The following FARS2 variants were observed in gnomAD, a reference collection of about 807,000 sequenced individuals.
FARS2 encodes the protein phenylalanyl-tRNA synthetase 2, mitochondrial.
Under a neutral mutation model 46.4 loss-of-function variants are expected in FARS2, and 40 were observed. The ratio of observed to expected loss-of-function variants is 0.86; its 90% CI spans 0.67 to 1.12. The LOEUF is 1.12. Among genes scored for constraint, FARS2 ranks in the 50% most tolerant of loss-of-function variants. The pLI is 0.00. For synonymous variants in FARS2, 234 were observed against 214.9 expected (o/e 1.09, Z -0.78); for missense variants, 513 against 567.9 (o/e 0.90, Z 0.98).
intron 2 of FARS2, among the ~76,000 whole-genome samples, chr6:5,377,233 T>C (rs1759438074): frequency 6.6e-6 from 1 of 152,212 alleles, no homozygotes; most frequent in African/African-American, 2.4e-5. Flanking sequence ...ACAAGTTCTG[T>C]TTTCCCACTC....
chr6:5,748,213 C>A (rs1761746925), intron 6 of FARS2, among the ~76,000 whole-genome samples: 1 of 152,206 alleles, frequency 6.6e-6, no homozygotes, highest in Non-Finnish European at 1.5e-5. Context: ...CTCCCCTTCA[C>A]CCTTTCCCAC....
intron 6 of FARS2, among the ~76,000 whole-genome samples, chr6:5,674,193 T>TAAAAAAAAAAAAAAAAAAA (rs71540878): frequency 2.6e-5 from 2 of 76,352 alleles, no homozygotes; most frequent in Non-Finnish European, 2.5e-5. Flanking sequence ...GCATTCTCAT[T>TAAAAAAAAAAAAAAAAAAA]AAAAAAAAAA....
At chr6:5,569,477 G>A (rs915058120) in intron 5 of FARS2, among the ~76,000 whole-genome samples, 4 of 152,190 alleles carry the variant, frequency 2.6e-5, no homozygotes, top group South Asian at 2.1e-4. Context: ...CACCCACCTC[G>A]GCTTCCCAGA....
intron 6 of FARS2, among the ~76,000 whole-genome samples, chr6:5,723,016 C>A (rs1376432265): frequency 6.6e-6 from 1 of 152,082 alleles, no homozygotes; most frequent in East Asian, 1.9e-4. Flanking sequence ...ACAGTGATTC[C>A]CTGAGAGAGG....
At chr6:5,432,814 T>C (rs1763305195) in intron 4 of FARS2, among the ~76,000 whole-genome samples, 1 of 152,092 alleles carries the variant, frequency 6.6e-6, no homozygotes, top group South Asian at 2.1e-4. Flanking sequence ...ATATGATATC[T>C]GGTCATGGGC....
At chr6:5,570,756 T>C (rs573150274) in intron 5 of FARS2, among the ~76,000 whole-genome samples, 1 of 151,754 alleles carries the variant, frequency 6.6e-6, no homozygotes, top group Admixed American at 6.6e-5. Context: ...TAATAGATGC[T>C]AGAACTGGAA....
intron 1 of FARS2, among the ~76,000 whole-genome samples, chr6:5,352,039 C>G (rs1372502456): frequency 6.6e-6 from 1 of 152,104 alleles, no homozygotes; most frequent in Non-Finnish European, 1.5e-5. Flanking sequence ...TTGTTCAGCC[C>G]GTGGCCTGTA....
At position 5,333,555 on chromosome 6, in the gene FARS2, T is replaced by C. The variant is rs538889758; in HGVS notation, c.-21-34995T>C. 1.3e-3 allele frequency among the ~76,000 whole-genome samples: 198 copies of C among 152,322 alleles called. 1 individual carries two copies. The highest frequency in any genetic ancestry group is 4.5e-3 in the African/African-American group (185 of 41,572). On this transcript the variant is annotated intron_variant, in intron 1 of 6. Coordinates refer to ENST00000274680, the MANE Select transcript of FARS2 (RefSeq NM_006567.5). ...GCAATGCTATCATATTAAGTAGATA[T>C]TTTAGATAGTATGGACATGTCTGAG...
At chr6:5,310,576 G>A (rs574365457) in intron 1 of FARS2, among the ~76,000 whole-genome samples, 5 of 152,176 alleles carry the variant, frequency 3.3e-5, no homozygotes, top group East Asian at 3.9e-4. Context: ...GTGTGTGTGC[G>A]TGTGAATTGG....
At chr6:5,265,977 A>G (rs1581644421) in intron 1 of FARS2, among the ~76,000 whole-genome samples, 1 of 152,122 alleles carries the variant, frequency 6.6e-6, no homozygotes, top group Non-Finnish European at 1.5e-5. Context: ...CAGGGCTGAG[A>G]AACATTGACC....
intron 6 of FARS2, among the ~76,000 whole-genome samples, chr6:5,692,852 A>C (rs573997798): frequency 4.6e-5 from 7 of 152,198 alleles, no homozygotes; most frequent in Non-Finnish European, 7.3e-5. Flanking sequence ...AGGCCAAATC[A>C]GGGGTGCTGT....
chr6:5,358,894 T>C (rs1314623916), intron 1 of FARS2, among the ~76,000 whole-genome samples: 1 of 152,172 alleles, frequency 6.6e-6, no homozygotes, highest in Non-Finnish European at 1.5e-5. Context: ...TCACAAGATA[T>C]GTTTCTCATG....
chr6:5,517,037 G>C (rs1416368807), intron 4 of FARS2, among the ~76,000 whole-genome samples: 1 of 152,148 alleles, frequency 6.6e-6, no homozygotes, highest in Non-Finnish European at 1.5e-5. Flanking sequence ...TTGTGCCCTG[G>C]GAGGTACTGT....
chr6:5,431,802 T>A (rs1562035809), intron 4 of FARS2: 1 of 442,546 alleles, frequency 2.3e-6, no homozygotes, highest in Non-Finnish European at 4.7e-6. Context: ...TGATGGCTTC[T>A]AAATGTAATT....
At chr6:5,595,648 G>A (rs1774156296) in intron 5 of FARS2, among the ~76,000 whole-genome samples, 2 of 152,212 alleles carry the variant, frequency 1.3e-5, no homozygotes, top group African/African-American at 4.8e-5. Flanking sequence ...AGACTGGGAT[G>A]GTCATTGCCA....
chr6:5,307,227 G>A (rs1768771089), intron 1 of FARS2, among the ~76,000 whole-genome samples: 1 of 152,134 alleles, frequency 6.6e-6, no homozygotes, highest in East Asian at 1.9e-4. Flanking sequence ...TTACTTATCA[G>A]TGGGGTGTGA....
chr6:5,612,593 A>G (rs1016701751), intron 5 of FARS2, among the ~76,000 whole-genome samples: 1 of 151,616 alleles, frequency 6.6e-6, no homozygotes, highest in Non-Finnish European at 1.5e-5. Flanking sequence ...AGTAAGCTGG[A>G]AAAAATGGAA....
intron 1 of FARS2, among the ~76,000 whole-genome samples, chr6:5,344,148 A>G (rs1307641989): frequency 1.3e-5 from 2 of 152,190 alleles, no homozygotes; most frequent in Non-Finnish European, 2.9e-5. Flanking sequence ...GGTCCAGTTT[A>G]TCTAAGTCAG....
chr6:5,466,038 C>T (rs930184513), intron 4 of FARS2, among the ~76,000 whole-genome samples: 1 of 152,056 alleles, frequency 6.6e-6, no homozygotes, highest in Non-Finnish European at 1.5e-5. Context: ...TTTTTCTGAT[C>T]TTTGCAGACT....
Sources: gnomAD v4.1 joint callset for allele counts (sites outside exome capture counted in the v4.1 genomes callset) on GRCh38, gnomAD v4.1.1 for gene constraint, MANE v1.5 for transcripts, NCBI Gene and HGNC (gene_info 2026-07-23, HGNC 2026-07-21) for gene names.